Variants in OGG1 observed in about 807,000 individuals in gnomAD.
OGG1 encodes 8-oxoguanine DNA glycosylase.
Under a neutral mutation model 42.3 loss-of-function variants are expected in OGG1, and 35 were observed. The ratio of observed to expected loss-of-function variants is 0.83; its 90% confidence interval spans 0.63 to 1.10. The LOEUF (loss-of-function observed/expected upper bound fraction) is 1.10. OGG1 is among the 50% of genes least tolerant of loss of function. The pLI is 0.00. For missense variants in OGG1, 484 were observed against 446.7 expected (o/e 1.08, Z -0.75); for synonymous variants, 189 against 179.0 (o/e 1.06, Z -0.44).
In OGG1 at chr3:9,757,344, G is replaced by C. The variant is rs1372637394; in HGVS notation, c.*194G>C. The stretch of plus-strand genomic sequence containing the variant: ...GGGATATTGAGGGAGACAGCGCTAA[G>C]GATGGTTTTATCTTCCCTTTATTAC... On this transcript the variant is annotated 3_prime_UTR_variant, in exon 7 of 7. Coordinates refer to ENST00000344629, the MANE Select transcript of OGG1 (RefSeq NM_002542.6). The surrounding 1 kb of genome is among the most constrained non-coding windows in gnomAD (Gnocchi z 4.5). The C allele has an allele frequency of 6.2e-7, 1 of 1,614,136 alleles. No homozygotes were observed.
Position 9,757,359 on chromosome 3 carries a change from C to G in OGG1, c.*209C>G. 6.2e-7 allele frequency: 1 copy of G among 1,613,944 alleles called. No individual in the cohort carries two copies. Among genetic ancestry groups the G allele is most frequent in the Non-Finnish European group, 8.5e-7 (1 of 1,179,936 alleles). ...ACAGCGCTAAGGATGGTTTTATCTT[C>G]CCTTTATTACAAGAAGGAACAATAA... On this transcript the variant is annotated 3_prime_UTR_variant, in exon 7 of 7. Transcript: ENST00000344629. This position sits in a 1 kb window ranked among gnomAD's most constrained non-coding sequence, Gnocchi z 4.5.
downstream of OGG1, chr3:9,760,999 C>T: frequency 1.9e-6 from 1 of 530,222 alleles, no homozygotes; most frequent in East Asian, 3.6e-5. Flanking sequence ...ATTGCTTCTG[C>T]CTATGCCACT....
chr3:9,760,933 T>C, downstream of OGG1: 4 of 1,052,532 alleles, frequency 3.8e-6, no homozygotes, highest in Non-Finnish European at 5.4e-6. Context: ...TACATTATCC[T>C]TTCTGTTCCT....
intron 7 of OGG1, chr3:9,762,843 T>G: frequency 6.6e-7 from 1 of 1,520,472 alleles, no homozygotes; most frequent in Non-Finnish European, 9.1e-7. Flanking sequence ...TTGCCCAAGG[T>G]CAGACAGTTT....
At chr3:9,786,916 A>T in intron 3 of OGG1, 1 of 1,262,242 alleles carries the variant, frequency 7.9e-7, no homozygotes, top group East Asian at 2.3e-5. Flanking sequence ...CACCAACCTA[A>T]TAAATGTATG....
chr3:9,756,949 TGCCTTCG>T, intron 6 of OGG1, 105 bp from the exon 7 acceptor site: 1 of 1,611,978 alleles, frequency 6.2e-7, no homozygotes, highest in South Asian at 1.1e-5. Flanking sequence ...GGATTCTCAT[TGCCTTCG>T]GCCCTGTTCC....
At chr3:9,787,365 C>G in intron 3 of OGG1, 1 of 1,590,712 alleles carries the variant, frequency 6.3e-7, no homozygotes, top group South Asian at 1.1e-5. Flanking sequence ...GCACCCAACC[C>G]TGAGTGGGTA....
At chr3:9,757,505 C>A (rs555476567), downstream of OGG1, 3 of 1,606,298 alleles carry the variant, frequency 1.9e-6, no homozygotes, top group Middle Eastern at 1.7e-4. The surrounding 1 kb of genome is among the most constrained non-coding windows in gnomAD (Gnocchi z 4.5). Context: ...CCAAGCCCTC[C>A]CACGCAGAGG....
downstream of OGG1, chr3:9,757,557 T>C (rs770474444): frequency 4.3e-6 from 7 of 1,613,776 alleles, no homozygotes; most frequent in Admixed American, 3.3e-5. The surrounding 1 kb of genome is among the most constrained non-coding windows in gnomAD (Gnocchi z 4.5). Flanking sequence ...GGTGGGGCAG[T>C]GTGGGGGACA....
chr3:9,775,932 G>A (rs1329017325), intron 2 of OGG1, among the ~76,000 whole-genome samples: 6 of 152,114 alleles, frequency 3.9e-5, no homozygotes, highest in African/African-American at 7.2e-5. Flanking sequence ...GAGCCACGGC[G>A]CCTGACTATA....
downstream of OGG1, among the ~76,000 whole-genome samples, chr3:9,788,992 T>C (rs2078679175): frequency 1.3e-5 from 2 of 152,110 alleles, no homozygotes; most frequent in South Asian, 4.1e-4. Context: ...CACACCGCCA[T>C]GCCTGGCTAA....
rs2077245504 is a variant in OGG1, at chr3:9,750,430, G to A, written c.137+7G>A. ...CTTCTGGACAATCTTTCCGGTGAGT[G>A]ACTGAGCCTGAGAAGCCTGTCCCCT... On this transcript the variant is annotated splice_region_variant and intron_variant, in intron 1 of 6. Coordinates refer to ENST00000344629, the MANE Select transcript of OGG1 (RefSeq NM_002542.6). The A allele has an allele frequency of 6.2e-7, 1 of 1,613,720 alleles. No homozygotes were observed.
rs779517346 is a variant in OGG1, at chr3:9,783,999, C to T, written c.382+2399C>T. Reference sequence around the variant, plus strand: ...GTGGCCACAGCCTCCAAGGCCACCCCCGGGACTGTGCATCCTGCTAACGCT... The same window carrying T: ...GTGGCCACAGCCTCCAAGGCCACCCTCGGGACTGTGCATCCTGCTAACGCT... On this transcript the variant is annotated intron_variant, in intron 3 of 3. Coordinates refer to the OGG1 transcript ENST00000426518. 2.5e-6 allele frequency: 4 copies of T among 1,601,706 alleles called. No homozygotes were observed. In the African/African-American group the frequency reaches 5.4e-5, roughly 21 times the overall value.
At chr3:9,786,282 G>C (rs896699719) in intron 3 of OGG1, among the ~76,000 whole-genome samples, 1 of 152,122 alleles carries the variant, frequency 6.6e-6, no homozygotes, top group Non-Finnish European at 1.5e-5. Context: ...ATTACGCCCA[G>C]AGTGACCTTG....
chr3:9,765,110 C>G (rs1349624129), intron 7 of OGG1, among the ~76,000 whole-genome samples: 2 of 151,530 alleles, frequency 1.3e-5, no homozygotes, highest in African/African-American at 4.9e-5. Flanking sequence ...GCCTGTAATC[C>G]CAGCTACTAG....
At chr3:9,770,470 C>T (rs937493561), downstream of OGG1, among the ~76,000 whole-genome samples, 1 of 152,106 alleles carries the variant, frequency 6.6e-6, no homozygotes, top group Non-Finnish European at 1.5e-5. Flanking sequence ...GTGGGCCCCA[C>T]TTGACAGGTG....
chr3:9,785,487 G>T, intron 3 of OGG1: 3 of 1,082,746 alleles, frequency 2.8e-6, no homozygotes, highest in Non-Finnish European at 4.2e-6. Context: ...GCTCCTTTCT[G>T]ACCTACACTG....
At chr3:9,750,831 T>A (rs2077266661) in intron 1 of OGG1, 114 bp from the exon 2 acceptor site, 2 of 1,262,740 alleles carry the variant, frequency 1.6e-6, no homozygotes, top group Admixed American at 1.8e-5. Context: ...GACTGGAAGA[T>A]AGCACTGTTA....
exon 4 of OGG1, chr3:9,787,777 T>C: frequency 8.4e-7 from 1 of 1,184,270 alleles, no homozygotes; most frequent in South Asian, 1.3e-5. Context: ...GAGATCAAAG[T>C]GTTGTGGCAG....
Sources: gnomAD v4.1 joint callset for allele counts (sites outside exome capture counted in the v4.1 genomes callset) on GRCh38, gnomAD v4.1.1 for gene constraint, Gnocchi (gnomAD v3.1) non-coding constraint, MANE v1.5 for transcripts, NCBI Gene and HGNC (gene_info 2026-07-23, HGNC 2026-07-21) for gene names.